The following KNTC1 variants were observed in gnomAD, a reference collection of about 807,000 sequenced individuals.
KNTC1 encodes the protein kinetochore associated 1.
A neutral mutation model predicts 314.4 loss-of-function variants in KNTC1; 253 were observed. That is an observed-to-expected ratio of 0.80 (90% CI 0.73 to 0.89). KNTC1 has a LOEUF of 0.89. Among genes scored for constraint, KNTC1 ranks in the 40% least tolerant of loss-of-function variants. KNTC1 has a pLI of 0.00. For missense variants in KNTC1, 2,475 were observed against 2,572.9 expected (o/e 0.96, Z 0.82); for synonymous variants, 901 against 901.4 (o/e 1.00, Z 0.01).
At chr12:122,532,202 TTTTC>T (rs1565924827) in intron 2 of KNTC1, among the ~76,000 whole-genome samples, 1 of 133,140 alleles carries the variant, frequency 7.5e-6, no homozygotes, top group African/African-American at 3.4e-5. Context: ...CCTGGCTAAT[TTTTC>T]TTTTTTTTTT....
intron 16 of KNTC1, among the ~76,000 whole-genome samples, chr12:122,553,933 G>T (rs1360947837): frequency 6.6e-6 from 1 of 151,800 alleles, no homozygotes; most frequent in African/African-American, 2.4e-5. Flanking sequence ...TGAAAAGTCA[G>T]TTTTTGGGGA....
chr12:122,536,443 G>C (rs574553381), intron 3 of KNTC1, among the ~76,000 whole-genome samples: 1 of 151,036 alleles, frequency 6.6e-6, no homozygotes, highest in African/African-American at 2.4e-5. Context: ...TGTTGGCCAG[G>C]CTGGTCTCAA....
intron 18 of KNTC1, among the ~76,000 whole-genome samples, chr12:122,559,206 A>G (rs1963813649): frequency 6.6e-6 from 1 of 151,902 alleles, no homozygotes; most frequent in Non-Finnish European, 1.5e-5. Flanking sequence ...AATACAAAAA[A>G]TTATCCAGGC....
chr12:122,541,970 GC>G, intron 5 of KNTC1, 79 bp from the exon 6 acceptor site: 1 of 1,359,718 alleles, frequency 7.4e-7, no homozygotes, highest in Non-Finnish European at 9.7e-7. Context: ...AGCCGAGATC[GC>G]GCTGCTGCAC....
At chr12:122,619,089 G>T (rs1874113591) in intron 59 of KNTC1, among the ~76,000 whole-genome samples, 1 of 150,278 alleles carries the variant, frequency 6.7e-6, no homozygotes, top group Admixed American at 6.7e-5. Context: ...ACGGAGTCTT[G>T]CTCTGTCACC....
In KNTC1 at chr12:122,613,189, A is replaced by G; in HGVS notation, c.5700A>G (p.Glu1900=). ...GTCTCTTCTATTTGGCTGACAAGGA[A>G]ACTATAGAATCTCTCTTTAAAAAAC... ...LQCLFYLADK[E]TIESLFKKPI... is the part of the protein sequence containing the mutation. Residue 1900 remains glutamate (E), a synonymous_variant, in exon 54 of 64, where the codon GAA becomes GAG. Coordinates refer to ENST00000333479, the MANE Select transcript of KNTC1 (RefSeq NM_014708.6). 6.2e-7 allele frequency: 1 copy of G among 1,612,564 alleles called. No individual in the cohort carries two copies.
Position 122,551,328 on chromosome 12 carries a change from T to C in KNTC1, c.1096T>C (p.Tyr366His). 6.4e-7 allele frequency: 1 copy of C among 1,574,050 alleles called. No homozygotes were observed. Among genetic ancestry groups the C allele is most frequent in the Non-Finnish European group, 8.7e-7 (1 of 1,148,866 alleles). ...TTTTTTGTTATTGTAGGATACCATA[T>C]ACCTTTTAGAAGGAGTTTGCAAAAA... is the stretch of plus-strand genomic sequence containing the variant. Reference protein sequence around the residue: ...VQTGISTDTIYLLEGVCKNDP... With the variant: ...VQTGISTDTIHLLEGVCKNDP... Residue 366 changes from tyrosine to histidine, a missense_variant, in exon 14 of 64, where the codon TAC (tyrosine) becomes CAC (histidine). By Grantham distance (83) the Tyr-to-His change is moderately conservative (BLOSUM62 2). Coordinates refer to ENST00000333479, the MANE Select transcript of KNTC1 (RefSeq NM_014708.6).
intron 27 of KNTC1, among the ~76,000 whole-genome samples, chr12:122,574,883 A>G (rs1964916606): frequency 6.6e-6 from 1 of 152,196 alleles, no homozygotes; most frequent in African/African-American, 2.4e-5. Flanking sequence ...ACATTTGTTA[A>G]TATATTGTAA....
intron 29 of KNTC1, 71 bp from the exon 30 acceptor site, chr12:122,576,824 C>G (rs765276797): frequency 3.8e-5 from 49 of 1,301,848 alleles, no homozygotes; most frequent in Non-Finnish European, 4.7e-5. Context: ...CCACTTTGCT[C>G]TTATAAGCAA....
chr12:122,570,893 G>A lies in KNTC1; in HGVS notation c.1878G>A (p.Trp626Ter). Residue 626 changes from tryptophan to a stop codon, truncating the protein, a stop_gained, in exon 23 of 64, where the codon TGG becomes TGA. Transcript: ENST00000333479. LOFTEE classifies it high-confidence loss of function. ...VPEGQIILAK[W>*]LEQAARNLEL... is the part of the protein sequence containing the mutation. ...TATTTCAGATAATTCTTGCAAAATG[G>A]TTGGAACAAGCAGCCAGGAACCTTG... The A allele has an allele frequency of 6.4e-7, 1 of 1,552,374 alleles. No individual in the cohort carries two copies. The highest frequency in any genetic ancestry group is 8.7e-7 in the Non-Finnish European group (1 of 1,144,638).
At chr12:122,554,076 A>AAAAAATATATATATAT (rs370146333) in intron 16 of KNTC1, among the ~76,000 whole-genome samples, 24 of 109,062 alleles carry the variant, frequency 2.2e-4, no homozygotes, top group African/African-American at 9.0e-4. Context: ...AAAAAAAAAA[A>AAAAAATATATATATAT]ATATATATAT....
chr12:122,569,764 G>A lies in KNTC1; in HGVS notation c.1800G>A (p.Leu600=). 1 of 1,613,860 alleles carries A rather than the reference G, an allele frequency of 6.2e-7. No homozygotes were observed. The highest frequency in any genetic ancestry group is 1.1e-5 in the South Asian group (1 of 91,064). Residue 600 remains leucine (L), a synonymous_variant, in exon 22 of 64, where the codon CTG becomes CTA. Transcript: ENST00000333479. ...SMSASVSLQK[L]CPWFKNDVIP... is the part of the protein sequence containing the mutation. ...CTGCATCAGTCTCTTTGCAAAAGCT[G>A]TGTCCATGGTTTAAAAATGATGTGA...
chr12:122,617,415 G>T (rs1873885036), intron 57 of KNTC1: 2 of 449,846 alleles, frequency 4.4e-6, no homozygotes, highest in Non-Finnish European at 8.9e-6. Flanking sequence ...AGAGATGGAG[G>T]TCTTGCTATG....
intron 52 of KNTC1, among the ~76,000 whole-genome samples, chr12:122,610,420 G>C (rs1388690045): frequency 2.0e-5 from 3 of 152,182 alleles, no homozygotes; most frequent in Non-Finnish European, 2.9e-5. Context: ...CCGGAGAGGG[G>C]CCAGCCTGCC....
chr12:122,547,784 T>C, intron 11 of KNTC1, 131 bp from the exon 12 acceptor site: 1 of 612,848 alleles, frequency 1.6e-6, no homozygotes, highest in Non-Finnish European at 2.8e-6. Flanking sequence ...TTTTATTTTT[T>C]ATGGAAGAGT....
intron 52 of KNTC1, 108 bp downstream of exon 52, chr12:122,609,538 T>C (rs1323665257): frequency 1.4e-6 from 1 of 714,860 alleles, no homozygotes; most frequent in East Asian, 2.8e-5. Context: ...TTGATAAAAC[T>C]CAGGTCAGAG....
At position 122,624,621 on chromosome 12, in the gene KNTC1, T is replaced by C. The variant is rs762999729; in HGVS notation, c.6539T>C (p.Ile2180Thr). 4 of 1,612,406 alleles carry C rather than the reference T, an allele frequency of 2.5e-6. No homozygotes were observed. The highest frequency in any genetic ancestry group is 1.1e-5 in the South Asian group (1 of 91,050). The change falls in exon 63 of 64, where the codon ATA becomes ACA. Residue 2180 changes from isoleucine to threonine, a missense_variant. By Grantham distance (89) the Ile-to-Thr change is moderately conservative. Transcript: ENST00000333479. ...AGTTTAGATGAAGCTTCAGTCTTGA[T>C]AACTGAATATTCAAAGCACTGCGGG... ...DLSLDEASVLITEYSKHCGKP... is the reference protein window; with the variant it reads ...DLSLDEASVLTTEYSKHCGKP...
chr12:122,566,118 CT>C (rs1053778718), intron 20 of KNTC1, among the ~76,000 whole-genome samples: 1 of 151,046 alleles, frequency 6.6e-6, no homozygotes, highest in African/African-American at 2.4e-5. Context: ...AATTTTTGTA[CT>C]TTTAGTAGAG....
At position 122,571,073 on chromosome 12, in the gene KNTC1, G is replaced by A. The variant is rs1313651215; in HGVS notation, c.1966G>A (p.Ala656Thr). The A allele has an allele frequency of 5.0e-6, 8 of 1,613,674 alleles. No homozygotes were observed. The highest frequency in any genetic ancestry group is 6.8e-6 in the Non-Finnish European group (8 of 1,179,756). Reference protein sequence around the residue: ...GLQLAEIFFTAEKTDELGLAS... With the variant: ...GLQLAEIFFTTEKTDELGLAS... ...TCAATTGGCAGAGATATTTTTTACA[G>A]CAGAAAAAACAGACGAGTTGGGATT... Residue 656 changes from alanine (A) to threonine (T), a missense_variant, in exon 24 of 64, where the codon GCA becomes ACA. Ala to Thr is a moderately conservative substitution (Grantham distance 58). Transcript: ENST00000333479.
Sources: gnomAD v4.1 joint callset for allele counts (sites outside exome capture counted in the v4.1 genomes callset) on GRCh38, gnomAD v4.1.1 for gene constraint, MANE v1.5 for transcripts, NCBI Gene and HGNC (gene_info 2026-07-23, HGNC 2026-07-21) for gene names.